The following PHACTR1 variants were observed in gnomAD, a reference collection of about 807,000 sequenced individuals.
PHACTR1 encodes phosphatase and actin regulator 1, also known as RPEL repeat containing 1.
PHACTR1 carries 16 observed loss-of-function variants against 69.2 expected under a neutral mutation model. That is an observed-to-expected ratio of 0.23 (90% CI 0.16 to 0.35). The LOEUF (loss-of-function observed/expected upper bound fraction) is 0.35. PHACTR1 is among the 10% of genes least tolerant of loss of function. The pLI, the probability that PHACTR1 is intolerant of heterozygous loss-of-function variation, is 1.00. For synonymous variants in PHACTR1, 312 were observed against 284.5 expected, an observed-to-expected ratio of 1.10 and a Z score of -0.97; for missense variants, 510 against 734.7, an observed-to-expected ratio of 0.69 and a Z score of 3.54.
rs571220046 is a variant in PHACTR1, at chr6:12,756,460, A to G, written c.250+6670A>G. ...CTTTAATTTACAAGTCTTCTATATA[A>G]TGAAGGGTAGTTAAATAAAAGACAA... On this transcript the variant is annotated intron_variant, in intron 4 of 14. Coordinates refer to ENST00000332995, the MANE Select transcript of PHACTR1 (RefSeq NM_030948.6). Among the ~76,000 whole-genome samples, 79 of 152,308 alleles carry G rather than the reference A, an allele frequency of 5.2e-4. 2 individuals are homozygous for G. The highest frequency in any genetic ancestry group is 6.8e-3 in the Middle Eastern group (2 of 294).
chr6:13,272,139 T>C (rs1024343002), intron 10 of PHACTR1: 1 of 152,332 alleles, frequency 6.6e-6, no homozygotes, highest in Non-Finnish European at 1.5e-5. Flanking sequence ...AATGCAGGCA[T>C]TCTCCCCTCA....
intron 6 of PHACTR1, among the ~76,000 whole-genome samples, chr6:13,170,606 G>T (rs1760457339): frequency 6.6e-6 from 1 of 152,150 alleles, no homozygotes; most frequent in Non-Finnish European, 1.5e-5. Context: ...TCATACTTTT[G>T]CCCAAGACTT....
chr6:13,019,298 C>T (rs1800640181), intron 4 of PHACTR1, among the ~76,000 whole-genome samples: 1 of 152,118 alleles, frequency 6.6e-6, no homozygotes, highest in Non-Finnish European at 1.5e-5. Flanking sequence ...TTCCCATAGA[C>T]ATATCACTCA....
At chr6:12,963,862 G>A (rs1793073047) in intron 4 of PHACTR1, among the ~76,000 whole-genome samples, 1 of 152,162 alleles carries the variant, frequency 6.6e-6, no homozygotes, top group Admixed American at 6.5e-5. Flanking sequence ...GAGTATGTTG[G>A]CACCTGTATT....
At chr6:13,017,753 T>C (rs1800397741) in intron 4 of PHACTR1, among the ~76,000 whole-genome samples, 1 of 152,036 alleles carries the variant, frequency 6.6e-6, no homozygotes. Context: ...ATATATTTAA[T>C]AATTATGTAT....
intron 4 of PHACTR1, among the ~76,000 whole-genome samples, chr6:13,042,279 C>A (rs1244235695): frequency 1.3e-5 from 2 of 152,180 alleles, no homozygotes; most frequent in Non-Finnish European, 1.5e-5. Flanking sequence ...GAACATTAGG[C>A]ATTTTAAAAT....
chr6:12,771,229 A>C (rs567116010), intron 4 of PHACTR1, among the ~76,000 whole-genome samples: 61 of 152,282 alleles, frequency 4.0e-4, no homozygotes, highest in African/African-American at 1.4e-3. Flanking sequence ...ATTTAGGATT[A>C]AGACATTTTT....
chr6:12,962,845 A>C (rs1792925111), intron 4 of PHACTR1, among the ~76,000 whole-genome samples: 1 of 152,200 alleles, frequency 6.6e-6, no homozygotes, highest in African/African-American at 2.4e-5. Context: ...CCTGTCATCC[A>C]GGTTCCTGCC....
At chr6:13,135,947 GA>G (rs1376695732) in intron 5 of PHACTR1, among the ~76,000 whole-genome samples, 2 of 151,772 alleles carry the variant, frequency 1.3e-5, no homozygotes, top group South Asian at 2.1e-4. Context: ...AATAGTGGAG[GA>G]AAAAAAAGTC....
chr6:12,904,394 C>T (rs951760592), intron 4 of PHACTR1, among the ~76,000 whole-genome samples: 8 of 151,800 alleles, frequency 5.3e-5, no homozygotes, highest in South Asian at 2.1e-4. Flanking sequence ...AATAGCCAGG[C>T]GTGGTGGCAG....
At chr6:12,993,105 T>G (rs1797007856) in intron 4 of PHACTR1, among the ~76,000 whole-genome samples, 1 of 152,244 alleles carries the variant, frequency 6.6e-6, no homozygotes, top group Non-Finnish European at 1.5e-5. Context: ...TGTAAGCTTC[T>G]AGCTTGCTTA....
intron 4 of PHACTR1, among the ~76,000 whole-genome samples, chr6:12,872,467 C>A (rs1261363107): frequency 6.6e-6 from 1 of 152,060 alleles, no homozygotes; most frequent in African/African-American, 2.4e-5. Context: ...CACATACATG[C>A]AAATATACAC....
intron 5 of PHACTR1, among the ~76,000 whole-genome samples, chr6:13,067,161 G>T (rs1808775138): frequency 6.6e-6 from 1 of 152,192 alleles, no homozygotes; most frequent in Non-Finnish European, 1.5e-5. Context: ...ATATTACTAT[G>T]TCGTATGAAA....
chr6:12,749,538 CTCCCCTCCCCCT>C (rs1193972957), intron 3 of PHACTR1, 94 bp from the exon 4 acceptor site: 7 of 399,402 alleles, frequency 1.8e-5, no homozygotes, highest in South Asian at 5.0e-5. Flanking sequence ...TTCCCTTCCT[CTCCCCTCCCCCT>C]TCCCCTCCCC....
intron 4 of PHACTR1, among the ~76,000 whole-genome samples, chr6:12,904,052 A>T (rs1324788893): frequency 2.0e-5 from 3 of 152,198 alleles, no homozygotes; most frequent in Non-Finnish European, 4.4e-5. Context: ...ATTCATTTTA[A>T]GATTTAGGGG....
rs1206231926 is a variant in PHACTR1, at chr6:12,911,004, A to G, written c.251-142361A>G. On this transcript the variant is annotated intron_variant, in intron 4 of 14. Coordinates refer to ENST00000332995, the MANE Select transcript of PHACTR1 (RefSeq NM_030948.6). ...CCATTTCTGACTGGCATGAAAGCTCAGTTTGGCTGGCAAAGGGGCTGCATG... is the reference window on the plus strand; with the variant it reads ...CCATTTCTGACTGGCATGAAAGCTCGGTTTGGCTGGCAAAGGGGCTGCATG... Among the ~76,000 whole-genome samples the G allele has an allele frequency of 2.6e-5, 4 of 152,346 alleles. No individual in the cohort carries two copies. In the South Asian group the frequency reaches 6.2e-4, roughly 24 times the overall value.
chr6:13,227,730 G>C, intron 8 of PHACTR1, 86 bp from the exon 9 acceptor site: 1 of 1,512,146 alleles, frequency 6.6e-7, no homozygotes, highest in East Asian at 2.3e-5. Context: ...TTAGGACTGG[G>C]CAACTGAGTT....
intron 4 of PHACTR1, among the ~76,000 whole-genome samples, chr6:12,821,740 G>T (rs1776251309): frequency 1.3e-5 from 2 of 152,150 alleles, no homozygotes; most frequent in African/African-American, 4.8e-5. Flanking sequence ...ATTGGGTTAA[G>T]GGCTTTATAA....
chr6:12,842,139 A>G (rs1183844825), intron 4 of PHACTR1, among the ~76,000 whole-genome samples: 1 of 152,254 alleles, frequency 6.6e-6, no homozygotes, highest in Non-Finnish European at 1.5e-5. Context: ...AAAAATCTAT[A>G]AGGAGAACAA....
Sources: gnomAD v4.1 joint callset for allele counts (sites outside exome capture counted in the v4.1 genomes callset) on GRCh38, gnomAD v4.1.1 for gene constraint, MANE v1.5 for transcripts, NCBI Gene and HGNC (gene_info 2026-07-23, HGNC 2026-07-21) for gene names.